Variants in SPOCK3 observed in about 807,000 individuals in gnomAD.
The protein encoded by SPOCK3 is SPARC (osteonectin), cwcv and kazal like domains proteoglycan 3.
A neutral mutation model predicts 56.6 loss-of-function variants in SPOCK3; 30 were observed. The observed-to-expected ratio is 0.53, with a 90% CI of 0.40 to 0.72. The LOEUF is 0.72. Among genes scored for constraint, SPOCK3 ranks in the 30% least tolerant of loss-of-function variants. The pLI is 0.00. For synonymous variants in SPOCK3, 196 were observed against 183.3 expected, an observed-to-expected ratio of 1.07 and a Z score of -0.56; for missense variants, 527 against 530.0, an observed-to-expected ratio of 0.99 and a Z score of 0.06.
Position 166,989,750 on chromosome 4 carries a change from T to C in SPOCK3, c.350+10599A>G, listed in dbSNP as rs1449317744. Among the ~76,000 whole-genome samples the C allele has an allele frequency of 3.3e-5, 5 of 152,178 alleles. No homozygotes were observed. In the East Asian group the frequency reaches 9.6e-4, roughly 29 times the overall value. ...CGTTTTTTTGGTAGTAAATTTCAAA[T>C]AGATTTATTAATCAGGATAATGATA... On this transcript the variant is annotated intron_variant, in intron 4 of 10. Transcript: ENST00000357545.
intron 3 of SPOCK3, among the ~76,000 whole-genome samples, chr4:167,053,372 T>C (rs1182145635): frequency 1.3e-5 from 2 of 152,076 alleles, no homozygotes; most frequent in South Asian, 2.1e-4. Flanking sequence ...ATACCTCCTC[T>C]TTGGGAACTT....
At chr4:167,160,481 G>A (rs907610349) in intron 2 of SPOCK3, among the ~76,000 whole-genome samples, 1 of 152,124 alleles carries the variant, frequency 6.6e-6, no homozygotes, top group African/African-American at 2.4e-5. Flanking sequence ...GTAATTTATA[G>A]ATTCAATGCC....
intron 7 of SPOCK3, among the ~76,000 whole-genome samples, chr4:166,784,844 A>C (rs1740568792): frequency 6.6e-6 from 1 of 152,116 alleles, no homozygotes; most frequent in Non-Finnish European, 1.5e-5. Context: ...CATTATCTTA[A>C]TCTTAGTCAG....
intron 6 of SPOCK3, among the ~76,000 whole-genome samples, chr4:166,887,963 A>G (rs1734378058): frequency 1.3e-5 from 2 of 151,910 alleles, no homozygotes; most frequent in South Asian, 4.1e-4. Flanking sequence ...GCACTAATTT[A>G]CCATTAATTT....
intron 7 of SPOCK3, among the ~76,000 whole-genome samples, chr4:166,770,993 T>G (rs1225015816): frequency 1.3e-5 from 2 of 149,998 alleles, no homozygotes; most frequent in Non-Finnish European, 3.0e-5. Flanking sequence ...ATTTATCATA[T>G]AATACTATAT....
intron 2 of SPOCK3, among the ~76,000 whole-genome samples, chr4:167,125,254 G>T (rs1332755415): frequency 1.4e-5 from 2 of 147,436 alleles, no homozygotes; most frequent in Non-Finnish European, 1.5e-5. Flanking sequence ...TTTTTTGGCT[G>T]GGGTAGAGGA....
At chr4:166,797,233 C>CTTTTTTTTTTTTTTTT (rs1028695610) in intron 6 of SPOCK3, among the ~76,000 whole-genome samples, 2 of 80,752 alleles carry the variant, frequency 2.5e-5, no homozygotes, top group East Asian at 4.2e-4. Flanking sequence ...TTCCACCTTT[C>CTTTTTTTTTTTTTTTT]TTTTTTTTTT....
At chr4:166,892,632 A>G (rs568802119) in intron 5 of SPOCK3, among the ~76,000 whole-genome samples, 61 of 152,238 alleles carry the variant, frequency 4.0e-4, no homozygotes, top group African/African-American at 1.4e-3. Context: ...GAACTAAAAT[A>G]TCACATAAAG....
intron 2 of SPOCK3, among the ~76,000 whole-genome samples, chr4:167,171,882 A>G (rs888398073): frequency 6.6e-6 from 1 of 152,090 alleles, no homozygotes; most frequent in African/African-American, 2.4e-5. Flanking sequence ...AAAAAAAGAA[A>G]AGAAAAAGAA....
intron 2 of SPOCK3, among the ~76,000 whole-genome samples, chr4:167,198,294 C>T (rs1343351988): frequency 6.6e-6 from 1 of 152,074 alleles, no homozygotes; most frequent in Non-Finnish European, 1.5e-5. Context: ...TCACAACCCC[C>T]AAAGCCAGAC....
chr4:166,922,333 T>C (rs1738589830), intron 4 of SPOCK3, among the ~76,000 whole-genome samples: 1 of 152,096 alleles, frequency 6.6e-6, no homozygotes. Flanking sequence ...AGGAGTAGCT[T>C]TTTGTAGGAT....
At chr4:167,137,353 T>C (rs1763207183) in intron 2 of SPOCK3, among the ~76,000 whole-genome samples, 1 of 151,912 alleles carries the variant, frequency 6.6e-6, no homozygotes, top group African/African-American at 2.4e-5. Flanking sequence ...AGAACCTGAG[T>C]TAATCAAATA....
At chr4:166,855,033 A>T (rs1438121588) in intron 6 of SPOCK3, among the ~76,000 whole-genome samples, 1 of 152,144 alleles carries the variant, frequency 6.6e-6, no homozygotes, top group African/African-American at 2.4e-5. Context: ...TCTGCCTAAG[A>T]TCCACAACCA....
intron 3 of SPOCK3, among the ~76,000 whole-genome samples, chr4:167,003,441 C>T (rs1411873685): frequency 6.6e-6 from 1 of 152,164 alleles, no homozygotes; most frequent in Admixed American, 6.6e-5. Context: ...AAACATTACA[C>T]ACTGTAAATA....
intron 4 of SPOCK3, among the ~76,000 whole-genome samples, chr4:166,993,237 G>T (rs1043561641): frequency 6.6e-6 from 1 of 152,154 alleles, no homozygotes; most frequent in African/African-American, 2.4e-5. Context: ...GCCCAGTGGA[G>T]AAATAAAATC....
intron 3 of SPOCK3, among the ~76,000 whole-genome samples, chr4:167,060,712 C>A (rs1369571409): frequency 6.6e-6 from 1 of 151,984 alleles, no homozygotes; most frequent in Non-Finnish European, 1.5e-5. Context: ...CATCGGGATG[C>A]CATTATTTCT....
At chr4:167,051,410 A>G (rs941006835) in intron 3 of SPOCK3, among the ~76,000 whole-genome samples, 1 of 152,194 alleles carries the variant, frequency 6.6e-6, no homozygotes, top group African/African-American at 2.4e-5. Context: ...TTCAGATTAT[A>G]ATATTGTTTC....
At chr4:167,115,191 A>G (rs1761229958) in intron 2 of SPOCK3, among the ~76,000 whole-genome samples, 1 of 152,084 alleles carries the variant, frequency 6.6e-6, no homozygotes, top group African/African-American at 2.4e-5. Context: ...TCTTTGAAAT[A>G]CAATTATGCC....
At chr4:166,904,053 A>G (rs1736348670) in intron 5 of SPOCK3, among the ~76,000 whole-genome samples, 3 of 151,928 alleles carry the variant, frequency 2.0e-5, no homozygotes, top group Admixed American at 2.0e-4. Context: ...TTGTTGATAT[A>G]AAATTAGCAT....
Sources: allele counts gnomAD v4.1 joint callset (sites outside exome capture counted in the v4.1 genomes callset), GRCh38; gene constraint gnomAD v4.1.1; transcripts MANE v1.5; gene names NCBI Gene and HGNC (gene_info 2026-07-23, HGNC 2026-07-21).